SLC44A1: variants seen among roughly 807,000 people sequenced by gnomAD.
SLC44A1 encodes the protein choline transporter-like protein 1.
In SLC44A1, 26 loss-of-function variants were observed where a neutral mutation model predicts 79.3. The observed-to-expected ratio is 0.33, with a 90% CI of 0.24 to 0.46. The LOEUF is 0.46. Among genes scored for constraint, SLC44A1 ranks in the 20% least tolerant of loss-of-function variants. The probability of loss-of-function intolerance (pLI) is 1.00; values close to 1 mark genes in which losing one functional copy is unlikely to be tolerated. For missense variants in SLC44A1, 688 were observed against 798.1 expected, an observed-to-expected ratio of 0.86 and a Z score of 1.66; for synonymous variants, 263 against 286.2, an observed-to-expected ratio of 0.92 and a Z score of 0.82.
chr9:105,354,464 C>G (rs895300347), intron 5 of SLC44A1, among the ~76,000 whole-genome samples: 1 of 152,080 alleles, frequency 6.6e-6, no homozygotes. Flanking sequence ...GTTAAAAAAA[C>G]AATTATTTGA....
intron 15 of SLC44A1, among the ~76,000 whole-genome samples, chr9:105,416,818 G>T (rs1399077424): frequency 1.3e-5 from 2 of 152,160 alleles, no homozygotes; most frequent in African/African-American, 4.8e-5. Flanking sequence ...CTTTTTATCA[G>T]GTTGTTTGTC....
chr9:105,385,083 A>G (rs777167608), intron 14 of SLC44A1, among the ~76,000 whole-genome samples: 5 of 152,360 alleles, frequency 3.3e-5, no homozygotes, highest in Middle Eastern at 3.4e-3. Flanking sequence ...GAAAAAAACA[A>G]CAACAACAAA....
chr9:105,288,954 A>G (rs565211518), intron 1 of SLC44A1, among the ~76,000 whole-genome samples: 1 of 152,228 alleles, frequency 6.6e-6, no homozygotes, highest in Admixed American at 6.5e-5. Flanking sequence ...GACTTCGTTA[A>G]CCCGCATTTC....
chr9:105,366,410 G>T lies in SLC44A1; in HGVS notation c.1475G>T (p.Cys492Phe). The change falls in exon 12 of 16, where the codon TGC becomes TTC. Residue 492 changes from cysteine to phenylalanine, a missense_variant. Cys to Phe is a radical substitution (Grantham distance 205). Transcript: ENST00000374720. Reference protein sequence around the residue: ...CICCLWCLEKCLNYLNQNAYT... With the variant: ...CICCLWCLEKFLNYLNQNAYT... ...TGTTGCCTTTGGTGTCTTGAAAAGT[G>T]CCTAAATTATTTAAATCAGGTAAAA... The T allele has an allele frequency of 1.3e-6, 2 of 1,514,172 alleles. No individual in the cohort carries two copies. The highest frequency in any genetic ancestry group is 1.8e-6 in the Non-Finnish European group (2 of 1,120,938). 93.8% of individuals were successfully genotyped at this position (1,514,172 alleles called of 1,614,324 possible). A position where few individuals can be genotyped will look rare whatever the true frequency, so the allele number is the denominator to read the frequency against.
intron 15 of SLC44A1, among the ~76,000 whole-genome samples, chr9:105,411,826 G>A (rs989593866): frequency 2.6e-4 from 39 of 152,262 alleles, no homozygotes; most frequent in Middle Eastern, 3.4e-3. Flanking sequence ...ATATCAGGAG[G>A]CACATGATCT....
chr9:105,329,745 G>A (rs1487663013), intron 3 of SLC44A1, among the ~76,000 whole-genome samples: 1 of 152,024 alleles, frequency 6.6e-6, no homozygotes, highest in Non-Finnish European at 1.5e-5. Context: ...ATTATTTGCA[G>A]TTCCTTAAAT....
intron 3 of SLC44A1, among the ~76,000 whole-genome samples, chr9:105,318,990 A>C (rs1259566798): frequency 6.6e-6 from 1 of 152,140 alleles, no homozygotes; most frequent in Non-Finnish European, 1.5e-5. Flanking sequence ...GATTTTTACA[A>C]GCTTTAGTCA....
intron 1 of SLC44A1, among the ~76,000 whole-genome samples, chr9:105,256,812 G>T (rs1488695143): frequency 7.4e-6 from 1 of 134,910 alleles, no homozygotes; most frequent in East Asian, 2.2e-4. Flanking sequence ...TTTTGAGATG[G>T]ACTCTTGCTG....
chr9:105,321,894 T>G (rs1170361950), intron 3 of SLC44A1, among the ~76,000 whole-genome samples: 1 of 151,914 alleles, frequency 6.6e-6, no homozygotes, highest in East Asian at 1.9e-4. Flanking sequence ...ACTAACAAAG[T>G]TATTATATAG....
In SLC44A1 at chr9:105,309,957, CT is replaced by C. The variant is rs893795121; in HGVS notation, c.269+93del. ...GTTCTTGCTGTTTTAAAGATAATAT[CT>C]TACCAAATATTATTTTTATGTGACT... On this transcript the variant is annotated intron_variant, in intron 3 of 15. Transcript: ENST00000374720. 23 of 1,289,640 alleles carry C rather than the reference CT, an allele frequency of 1.8e-5. No individual in the cohort carries two copies. In the African/African-American group the frequency reaches 3.0e-4, roughly 17 times the overall value. The allele number at this position is 1,289,640 out of a possible 1,614,324, so 79.9% of individuals were successfully genotyped here. A position where few individuals can be genotyped will look rare whatever the true frequency, so the allele number is the denominator to read the frequency against.
intron 2 of SLC44A1, among the ~76,000 whole-genome samples, chr9:105,303,794 C>G (rs952235618): frequency 3.9e-5 from 6 of 152,216 alleles, no homozygotes; most frequent in African/African-American, 7.2e-5. Context: ...GACCAGTAAC[C>G]TTGCTTGCCA....
chr9:105,352,516 G>T (rs1457789075), intron 5 of SLC44A1, among the ~76,000 whole-genome samples: 11 of 152,250 alleles, frequency 7.2e-5, no homozygotes, highest in Non-Finnish European at 5.9e-5. Context: ...AGTTCATTTT[G>T]TTCTTGTTGA....
chr9:105,278,554 A>G (rs1830269495), intron 1 of SLC44A1, among the ~76,000 whole-genome samples: 1 of 151,066 alleles, frequency 6.6e-6, no homozygotes, highest in Non-Finnish European at 1.5e-5. Flanking sequence ...GGCCTTTTTG[A>G]ATTTTTAGTA....
intron 15 of SLC44A1, among the ~76,000 whole-genome samples, chr9:105,407,294 T>C (rs1046496520): frequency 1.3e-5 from 2 of 152,094 alleles, no homozygotes; most frequent in Admixed American, 1.3e-4. Context: ...TCCTCAAAAG[T>C]GATAAAGACA....
chr9:105,295,538 A>AT (rs1200064791), intron 1 of SLC44A1, among the ~76,000 whole-genome samples: 2 of 152,234 alleles, frequency 1.3e-5, no homozygotes, highest in Non-Finnish European at 2.9e-5. Context: ...ATTATTAAAA[A>AT]TTTTCAACTC....
Position 105,309,928 on chromosome 9 carries a change from T to C in SLC44A1, c.269+62T>C. ...TTTGAAAGAGGCACAGAGAAAATCC[T>C]GCTGTTCTTGCTGTTTTAAAGATAA... On this transcript the variant is annotated intron_variant, in intron 3 of 15. Coordinates refer to ENST00000374720, the MANE Select transcript of SLC44A1 (RefSeq NM_080546.5). 2 of 1,484,702 alleles carry C rather than the reference T, an allele frequency of 1.3e-6. 1 individual carries two copies. The highest frequency in any genetic ancestry group is 2.5e-5 in the South Asian group (2 of 79,164). 92.0% of individuals were successfully genotyped at this position (1,484,702 alleles called of 1,614,324 possible).
chr9:105,388,544 A>T (rs1828686551), intron 15 of SLC44A1, among the ~76,000 whole-genome samples: 2 of 152,186 alleles, frequency 1.3e-5, no homozygotes, highest in Admixed American at 1.3e-4. Flanking sequence ...ATGAGGTTTT[A>T]TATTTTCCTT....
chr9:105,347,951 T>C (rs1043586743), intron 4 of SLC44A1, among the ~76,000 whole-genome samples: 2 of 152,050 alleles, frequency 1.3e-5, no homozygotes, highest in Non-Finnish European at 2.9e-5. Context: ...CCAGTTCTAC[T>C]CCTACTAGCT....
rs529540478 is a variant in SLC44A1 at position 105,366,769 on chromosome 9, A to T, written c.1494+340A>T. ...ATTTATCTCTCATCCCTTAATTCAC[A>T]TTCCTTCATTTTTTAAGTTTTTCCT... On this transcript the variant is annotated intron_variant, in intron 12 of 15. Transcript: ENST00000374720. Among the ~76,000 whole-genome samples the T allele has an allele frequency of 3.2e-4, 48 of 151,998 alleles. 1 individual carries two copies. The highest frequency in any genetic ancestry group is 2.9e-3 in the Admixed American group (44 of 15,258).
Sources: gnomAD v4.1 joint callset for allele counts (sites outside exome capture counted in the v4.1 genomes callset) on GRCh38, gnomAD v4.1.1 for gene constraint, MANE v1.5 for transcripts, NCBI Gene and HGNC (gene_info 2026-07-23, HGNC 2026-07-21) for gene names.